POGZ: variants seen among roughly 807,000 people sequenced by gnomAD.
POGZ encodes the protein pogo transposable element derived with ZNF domain.
POGZ carries 17 observed loss-of-function variants against 134.6 expected under a neutral mutation model. The ratio of observed to expected loss-of-function variants is 0.13; its 90% CI spans 0.09 to 0.19. POGZ has a LOEUF of 0.19. Ranked by LOEUF, POGZ falls within the 10% of genes least tolerant of loss-of-function variation. The pLI, the probability that POGZ is intolerant of heterozygous loss-of-function variation, is 1.00. For synonymous variants in POGZ, 693 were observed against 657.1 expected, an observed-to-expected ratio of 1.05 and a Z score of -0.84; for missense variants, 1,306 against 1,769.7, an observed-to-expected ratio of 0.74 and a Z score of 4.70.
intron 2 of POGZ, among the ~76,000 whole-genome samples, chr1:151,441,713 CA>C (rs201669999): frequency 1.3e-5 from 2 of 151,514 alleles, no homozygotes; most frequent in Admixed American, 6.6e-5. Context: ...CAAAATAAAA[CA>C]AAAAAAACAA....
chr1:151,407,350 AC>A, intron 15 of POGZ, 59 bp from the exon 16 acceptor site: 1 of 1,178,106 alleles, frequency 8.5e-7, no homozygotes, highest in Non-Finnish European at 1.2e-6. Context: ...GCTAGAGATC[AC>A]CAGCCAGTGA....
At chr1:151,457,993 G>T (rs1662974618) in intron 1 of POGZ, among the ~76,000 whole-genome samples, 2 of 151,694 alleles carry the variant, frequency 1.3e-5, no homozygotes, top group Admixed American at 1.3e-4. Context: ...AGGTGTCTAC[G>T]GGCTTGGAAG....
intron 1 of POGZ, among the ~76,000 whole-genome samples, chr1:151,455,617 T>C (rs1662670382): frequency 6.6e-6 from 1 of 152,218 alleles, no homozygotes; most frequent in South Asian, 2.1e-4. Context: ...GACAAGCCCA[T>C]TATAAGTTAA....
chr1:151,421,781 C>G (rs1235403618), intron 10 of POGZ, among the ~76,000 whole-genome samples: 1 of 152,170 alleles, frequency 6.6e-6, no homozygotes, highest in African/African-American at 2.4e-5. Context: ...GAGACAGAGA[C>G]TCGCTCTGTC....
chr1:151,424,045 C>A lies in POGZ; in HGVS notation c.1427G>T (p.Arg476Leu). The change falls in exon 9 of 19, where the codon CGG (arginine) becomes CTG (leucine). Residue 476 changes from arginine to leucine, a missense_variant. Around this residue, in one of 10 missense-constraint regions of POGZ, gnomAD observed 541 missense variants for 680.5 expected, o/e 0.80. Coordinates refer to ENST00000271715, the MANE Select transcript of POGZ (RefSeq NM_015100.4). ...GAGCTGGGCTACTTTGCCACCATCCCGTCCATAGTAGAAGTCATCTACAAG... is the reference window on the plus strand; with the variant it reads ...GAGCTGGGCTACTTTGCCACCATCCAGTCCATAGTAGAAGTCATCTACAAG... ...IMLVDDFYYG[R>L]DGGKVAQLTN... The A allele has an allele frequency of 6.2e-7, 1 of 1,614,106 alleles. No individual in the cohort carries two copies. The highest frequency in any genetic ancestry group is 8.5e-7 in the Non-Finnish European group (1 of 1,180,018).
rs1228290711 is a variant in POGZ, at chr1:151,408,020, AAAAAAAAAAAAG to A, written c.2375+68_2375+79del. ...GAGTGAGACCCTGTCTTCAAAAAAA[AAAAAAAAAAAAG>A]AAGAAGAAGAAGAAGAAAAAAAGAA... On this transcript the variant is annotated intron_variant, in intron 15 of 18. Transcript: ENST00000271715. 32 of 1,026,164 alleles carry A rather than the reference AAAAAAAAAAAAG, an allele frequency of 3.1e-5. No homozygotes were observed. The Admixed American group carries it at 4.1e-4, about 13-fold the overall frequency. 63.6% of individuals were successfully genotyped at this position (1,026,164 alleles called of 1,614,324 possible).
In POGZ at chr1:151,408,259, A is replaced by T; in HGVS notation, c.2235-19T>A. The T allele has an allele frequency of 6.2e-7, 1 of 1,603,190 alleles. No homozygotes were observed. Among genetic ancestry groups the T allele is most frequent in the Non-Finnish European group, 8.5e-7 (1 of 1,176,680 alleles). ...GACACTCCTGTGGGGGAAAAAAAAA[A>T]AGAATTCTCATTACTGCCTCATGGG... On this transcript the variant is annotated intron_variant, in intron 14 of 18. Coordinates refer to ENST00000271715, the MANE Select transcript of POGZ (RefSeq NM_015100.4).
At chr1:151,443,388 T>C (rs1660825713) in intron 1 of POGZ, among the ~76,000 whole-genome samples, 1 of 152,080 alleles carries the variant, frequency 6.6e-6, no homozygotes, top group Admixed American at 6.5e-5. Context: ...ACTGCCTAAA[T>C]TACATGTCCC....
intron 10 of POGZ, among the ~76,000 whole-genome samples, chr1:151,413,535 T>C (rs1006530060): frequency 2.0e-5 from 3 of 152,186 alleles, no homozygotes; most frequent in Non-Finnish European, 2.9e-5. Flanking sequence ...TTCAAGTTTT[T>C]GCAAATATGA....
intron 1 of POGZ, among the ~76,000 whole-genome samples, chr1:151,458,829 GCGGGCGC>G (rs1329102894): frequency 6.9e-6 from 1 of 145,628 alleles, no homozygotes; most frequent in African/African-American, 2.5e-5. Context: ...GCGCGCCGCG[GCGGGCGC>G]CGGGGGGCGG....
intron 10 of POGZ, among the ~76,000 whole-genome samples, chr1:151,418,897 C>A (rs759969418): frequency 6.6e-6 from 1 of 150,460 alleles, no homozygotes; most frequent in Non-Finnish European, 1.5e-5. Context: ...TGGTGGTGGG[C>A]GCCTGTAATC....
chr1:151,403,599 T>C lies in POGZ; in HGVS notation c.*1203A>G, dbSNP rs12566673. 0.017 allele frequency: 17,036 copies of C among 985,612 alleles called. 1,731 individuals carry two copies. In the East Asian group the frequency reaches 0.43, roughly 25 times the overall value. The allele number at this position is 985,612 out of a possible 1,614,324, so 61.1% of individuals were successfully genotyped here. On this transcript the variant is annotated 3_prime_UTR_variant, in exon 19 of 19. Coordinates refer to ENST00000271715, the MANE Select transcript of POGZ (RefSeq NM_015100.4). ...TGCAAATTGTAGAAAAAATTTTCTT[T>C]CCTTGAAGCTGGCAGTGAAAAATAA...
chr1:151,458,689 C>T lies in POGZ; in HGVS notation c.-2+463G>A, dbSNP rs1196362700. ...CCGCCGTCTCGCCACCGCCCGCGCC[C>T]CCGCCCCCGCCCCTTCCCCAGCGGG... On this transcript the variant is annotated intron_variant, in intron 1 of 18. Coordinates refer to ENST00000271715, the MANE Select transcript of POGZ (RefSeq NM_015100.4). 1.5e-4 allele frequency among the ~76,000 whole-genome samples: 22 copies of T among 145,228 alleles called. No homozygotes were observed. The South Asian group carries it at 3.7e-3, about 25-fold the overall frequency.
chr1:151,424,666 G>A (rs1657477716), intron 8 of POGZ, among the ~76,000 whole-genome samples: 3 of 152,186 alleles, frequency 2.0e-5, no homozygotes, highest in South Asian at 4.1e-4. Context: ...AAAATGAACT[G>A]AGGCCAATAT....
chr1:151,429,424 C>A, intron 5 of POGZ, 179 bp downstream of exon 5: 1 of 383,446 alleles, frequency 2.6e-6, no homozygotes, highest in East Asian at 4.1e-5. Context: ...ATAAATAAAA[C>A]CACCACCCTG....
Position 151,428,059 on chromosome 1 carries a change from T to C in POGZ, c.860-18A>G. 1 of 1,613,822 alleles carries C rather than the reference T, an allele frequency of 6.2e-7. No individual in the cohort carries two copies. Among genetic ancestry groups the C allele is most frequent in the Non-Finnish European group, 8.5e-7 (1 of 1,179,680 alleles). ...GGAGGGAGCTACGGTGACCAAGTGA[T>C]AATCATCTGTTCTCCACCCACCATC... On this transcript the variant is annotated intron_variant, in intron 6 of 18. Transcript: ENST00000271715.
Position 151,404,825 on chromosome 1 carries a change from C to T in POGZ, c.4210G>A (p.Asp1404Asn), listed in dbSNP as rs761261088. ...ACTCAAATCTCCATCAGATCTAGGT[C>T]AGCTTCTTCAAAGCCATAGAAAGAC... ...TESFYGFEEADLDLMEI is the reference protein window; with the variant it reads ...TESFYGFEEANLDLMEI The change falls in exon 19 of 19, where the codon GAC (aspartate) becomes AAC (asparagine). Residue 1404 changes from aspartate to asparagine, a missense_variant. Coordinates refer to ENST00000271715, the MANE Select transcript of POGZ (RefSeq NM_015100.4). The T allele has an allele frequency of 1.2e-6, 2 of 1,610,450 alleles. No homozygotes were observed. Among genetic ancestry groups the T allele is most frequent in the Non-Finnish European group, 1.7e-6 (2 of 1,178,118 alleles).
intron 1 of POGZ, among the ~76,000 whole-genome samples, chr1:151,456,400 T>C (rs1319186400): frequency 3.9e-5 from 6 of 152,176 alleles, no homozygotes; most frequent in Admixed American, 3.9e-4. Flanking sequence ...GTCAGTTGTT[T>C]TCCTAAAAGT....
At chr1:151,416,708 C>T (rs1299212943) in intron 10 of POGZ, among the ~76,000 whole-genome samples, 2 of 149,148 alleles carry the variant, frequency 1.3e-5, no homozygotes, top group South Asian at 2.1e-4. Flanking sequence ...ACTGCTGGCT[C>T]GACTTGCTGG....
Sources: allele counts gnomAD v4.1 joint callset (sites outside exome capture counted in the v4.1 genomes callset), GRCh38; gene constraint gnomAD v4.1.1; regional missense constraint gnomAD v4.1.1; transcripts MANE v1.5; gene names NCBI Gene and HGNC (gene_info 2026-07-23, HGNC 2026-07-21).